The following GNL1 variants were observed in gnomAD, a reference collection of about 807,000 sequenced individuals.
The protein encoded by GNL1 is guanine nucleotide-binding protein-like 1.
GNL1 carries 21 observed loss-of-function variants against 75.2 expected under a neutral mutation model. That is an observed-to-expected ratio of 0.28 (90% confidence interval 0.20 to 0.40). The LOEUF (loss-of-function observed/expected upper bound fraction) is 0.40. Among genes scored for constraint, GNL1 ranks in the 10% least tolerant of loss-of-function variants. The pLI is 1.00. For synonymous variants in GNL1, 287 were observed against 303.4 expected (o/e 0.95, Z 0.56); for missense variants, 579 against 775.0 (o/e 0.75, Z 3.00).
At chr6:30,550,385 TG>T (rs941554791) in intron 8 of GNL1, among the ~76,000 whole-genome samples, 4 of 152,176 alleles carry the variant, frequency 2.6e-5, no homozygotes, top group Admixed American at 2.0e-4. Flanking sequence ...GACAAAAACC[TG>T]GAAGTCCTTC....
rs766966480 is a variant in GNL1, at chr6:30,555,623, G to A, written c.171C>T (p.Thr57=). 1.2e-6 allele frequency: 2 copies of A among 1,614,004 alleles called. No individual in the cohort carries two copies. Among genetic ancestry groups the A allele is most frequent in the Admixed American group, 3.3e-5 (2 of 60,032 alleles). ...GCTGGTTAAGCCTGCGGATATGATGGGTCACAGACTCCCCGTCCGAGGTGT... is the reference window on the plus strand; with the variant it reads ...GCTGGTTAAGCCTGCGGATATGATGAGTCACAGACTCCCCGTCCGAGGTGT... ...QTDTSDGESV[T]HHIRRLNQQP... The change falls in exon 2 of 12, where the codon ACC becomes ACT. Residue 57 remains threonine, a synonymous_variant. Transcript: ENST00000376621. This position sits in a 1 kb window ranked among gnomAD's most constrained non-coding sequence, Gnocchi z 4.3.
chr6:30,555,562 G>T lies in GNL1; in HGVS notation c.232C>A (p.Pro78Thr). ...GCCCCCTCCCACCCTCACCGATTTGGGTCGTAGCCTCGTGGACCCAGCCCC... is the reference window on the plus strand; with the variant it reads ...GCCCCCTCCCACCCTCACCGATTTGTGTCGTAGCCTCGTGGACCCAGCCCC... ...SQGLGPRGYDPNRYRLHFERD... is the reference protein window; with the variant it reads ...SQGLGPRGYDTNRYRLHFERD... Residue 78 changes from proline (P) to threonine (T), a missense_variant, in exon 2 of 12, where the codon CCA becomes ACA. Coordinates refer to ENST00000376621, the MANE Select transcript of GNL1 (RefSeq NM_005275.5). This position sits in a 1 kb window ranked among gnomAD's most constrained non-coding sequence, Gnocchi z 4.3. 6.2e-7 allele frequency: 1 copy of T among 1,613,300 alleles called. No individual in the cohort carries two copies. Among genetic ancestry groups the T allele is most frequent in the African/African-American group, 1.3e-5 (1 of 75,008 alleles).
At chr6:30,553,047 C>G in intron 7 of GNL1, 37 bp downstream of exon 7, 1 of 1,365,656 alleles carries the variant, frequency 7.3e-7, no homozygotes, top group South Asian at 1.2e-5. Flanking sequence ...TGGTCTCCCC[C>G]ATGTCCTCCT....
chr6:30,543,923 C>G lies in GNL1; in HGVS notation c.*2149G>C, dbSNP rs974976181. 6.6e-6 allele frequency: 1 copy of G among 152,174 alleles called. No homozygotes were observed. Among genetic ancestry groups the G allele is most frequent in the Admixed American group, 6.5e-5 (1 of 15,270 alleles). 9.4% of individuals were successfully genotyped at this position (152,174 alleles called of 1,614,324 possible). ...TCAAGAGACTAGCCAGCTATGGAAG[C>G]CACCAGAGCCCCAGACCTCCATGGT... On this transcript the variant is annotated 3_prime_UTR_variant, in exon 12 of 12. Coordinates refer to ENST00000376621, the MANE Select transcript of GNL1 (RefSeq NM_005275.5).
intron 8 of GNL1, among the ~76,000 whole-genome samples, chr6:30,551,143 T>C (rs914176327): frequency 6.6e-6 from 1 of 152,100 alleles, no homozygotes; most frequent in Non-Finnish European, 1.5e-5. Context: ...AATGGGTAAA[T>C]GAATGAGAGC....
chr6:30,554,828 T>C lies in GNL1; in HGVS notation c.464A>G (p.Tyr155Cys), dbSNP rs1359178447. ...GTAAGCCCCATGAATCTTCCCAAGATAGTCTTGGAAGCTCCGTTCCTCTTG... is the reference window on the plus strand; with the variant it reads ...GTAAGCCCCATGAATCTTCCCAAGACAGTCTTGGAAGCTCCGTTCCTCTTG... The part of the protein sequence containing the change: ...MSQEERSFQD[Y>C]LGKIHGAYSS... The change falls in exon 4 of 12, where the codon TAT (tyrosine) becomes TGT (cysteine). Residue 155 changes from tyrosine to cysteine, a missense_variant. Coordinates refer to ENST00000376621, the MANE Select transcript of GNL1 (RefSeq NM_005275.5). 1.9e-6 allele frequency: 3 copies of C among 1,611,952 alleles called. No individual in the cohort carries two copies. The highest frequency in any genetic ancestry group is 4.5e-5 in the East Asian group (2 of 44,876).
Position 30,545,785 on chromosome 6 carries a change from C to CA in GNL1, c.*286dup. ...TGTAGATAACGGGATTCCTAAGGTG[C>CA]AGAGTGGGAGAATGGGTAGAGGAAG... is the stretch of plus-strand genomic sequence containing the variant. On this transcript the variant is annotated 3_prime_UTR_variant, in exon 12 of 12. Coordinates refer to ENST00000376621, the MANE Select transcript of GNL1 (RefSeq NM_005275.5). 1 of 438,798 alleles carries CA rather than the reference C, an allele frequency of 2.3e-6. No individual in the cohort carries two copies. The highest frequency in any genetic ancestry group is 4.0e-6 in the Non-Finnish European group (1 of 249,334). The allele number at this position is 438,798 out of a possible 1,614,324, so 27.2% of individuals were successfully genotyped here.
chr6:30,546,102 A>G lies in GNL1; in HGVS notation c.1794T>C (p.Pro598=). 1 of 1,584,716 alleles carries G rather than the reference A, an allele frequency of 6.3e-7. No homozygotes were observed. ...APGSSLAGRN[P]YALLGEDEC is the part of the protein sequence containing the mutation. ...ACTCATCCTCACCCAGCAGGGCATA[A>G]GGGTTTCGGCCAGCCAGGCTGGACC... The change falls in exon 12 of 12, where the codon CCT becomes CCC. Residue 598 remains proline, a synonymous_variant. Coordinates refer to ENST00000376621, the MANE Select transcript of GNL1 (RefSeq NM_005275.5). This position sits in a 1 kb window ranked among gnomAD's most constrained non-coding sequence, Gnocchi z 5.1.
Position 30,547,113 on chromosome 6 carries a change from T to G in GNL1, c.1440A>C (p.Glu480Asp). The G allele has an allele frequency of 6.2e-7, 1 of 1,611,398 alleles. No individual in the cohort carries two copies. The highest frequency in any genetic ancestry group is 8.5e-7 in the Non-Finnish European group (1 of 1,179,536). Reference sequence around the variant, plus strand: ...CGAAGCCAGGCACATGGAACTCACCTTCACAGATGTCCCAGGCACACCAGG... The same window carrying G: ...CGAAGCCAGGCACATGGAACTCACCGTCACAGATGTCCCAGGCACACCAGG... ...EHPWCAWDIC[E>D]AWAEKRGYKT... Residue 480 changes from glutamate (E) to aspartate (D), a missense_variant and splice_region_variant, in exon 10 of 12, where the codon GAA becomes GAC. By Grantham distance (45) the Glu-to-Asp change is conservative (BLOSUM62 2). Coordinates refer to ENST00000376621, the MANE Select transcript of GNL1 (RefSeq NM_005275.5). The surrounding 1 kb of genome is among the most constrained non-coding windows in gnomAD (Gnocchi z 5.5).
Position 30,555,733 on chromosome 6 carries a change from G to C in GNL1, c.74-13C>G, listed in dbSNP as rs1230189474. On this transcript the variant is annotated splice_polypyrimidine_tract_variant and intron_variant, in intron 1 of 11. Coordinates refer to ENST00000376621, the MANE Select transcript of GNL1 (RefSeq NM_005275.5). This position sits in a 1 kb window ranked among gnomAD's most constrained non-coding sequence, Gnocchi z 4.3. ...CCATCTTGAAGCCCTGCGGGGAGGGGCCGGTGACGCCAGTGCTGGCCAGCT... is the reference window on the plus strand; with the variant it reads ...CCATCTTGAAGCCCTGCGGGGAGGGCCCGGTGACGCCAGTGCTGGCCAGCT... The C allele has an allele frequency of 6.2e-7, 1 of 1,612,400 alleles. No individual in the cohort carries two copies. The highest frequency in any genetic ancestry group is 1.7e-5 in the Admixed American group (1 of 59,944).
chr6:30,547,285 T>C lies in GNL1; in HGVS notation c.1279-11A>G. 1 of 1,585,534 alleles carries C rather than the reference T, an allele frequency of 6.3e-7. No homozygotes were observed. Among genetic ancestry groups the C allele is most frequent in the Non-Finnish European group, 8.6e-7 (1 of 1,165,562 alleles). On this transcript the variant is annotated splice_polypyrimidine_tract_variant and intron_variant, in intron 9 of 11. Transcript: ENST00000376621. The surrounding 1 kb of genome is among the most constrained non-coding windows in gnomAD (Gnocchi z 5.5). Reference sequence around the variant, plus strand: ...GATCCCTGCCAGAACCTGAGGGAAATGAGCACTCAGTACTTTCCTCAATGT... The same window carrying C: ...GATCCCTGCCAGAACCTGAGGGAAACGAGCACTCAGTACTTTCCTCAATGT...
At position 30,545,842 on chromosome 6, in the gene GNL1, C is replaced by T. The variant is rs1799413783; in HGVS notation, c.*230G>A. ...TCAGAGACTGAGAACCTACTAAACT[C>T]CTAAGAGAACTTTCCCTTGCAAAGA... is the stretch of plus-strand genomic sequence containing the variant. On this transcript the variant is annotated 3_prime_UTR_variant, in exon 12 of 12. Coordinates refer to ENST00000376621, the MANE Select transcript of GNL1 (RefSeq NM_005275.5). 1.9e-6 allele frequency: 1 copy of T among 537,786 alleles called. No homozygotes were observed. The highest frequency in any genetic ancestry group is 2.6e-5 in the South Asian group (1 of 38,682). 33.3% of individuals were successfully genotyped at this position (537,786 alleles called of 1,614,324 possible). A position where few individuals can be genotyped will look rare whatever the true frequency, so the allele number is the denominator to read the frequency against.
Position 30,545,789 on chromosome 6 carries a change from G to C in GNL1, c.*283C>G. On this transcript the variant is annotated 3_prime_UTR_variant, in exon 12 of 12. Coordinates refer to ENST00000376621, the MANE Select transcript of GNL1 (RefSeq NM_005275.5). Reference sequence around the variant, plus strand: ...GATAACGGGATTCCTAAGGTGCAGAGTGGGAGAATGGGTAGAGGAAGCAGG... The same window carrying C: ...GATAACGGGATTCCTAAGGTGCAGACTGGGAGAATGGGTAGAGGAAGCAGG... The C allele has an allele frequency of 2.2e-6, 1 of 452,834 alleles. No individual in the cohort carries two copies. Among genetic ancestry groups the C allele is most frequent in the Non-Finnish European group, 3.9e-6 (1 of 258,082 alleles). The allele number at this position is 452,834 out of a possible 1,614,324, so 28.1% of individuals were successfully genotyped here.
rs1427342682 is a variant in GNL1, at chr6:30,546,722, T to A, written c.1556A>T (p.His519Leu). 6.2e-7 allele frequency: 1 copy of A among 1,610,130 alleles called. No homozygotes were observed. The highest frequency in any genetic ancestry group is 1.3e-5 in the African/African-American group (1 of 74,808). The change falls in exon 11 of 12, where the codon CAT (histidine) becomes CTT (leucine). Residue 519 changes from histidine (H) to leucine (L), a missense_variant. His to Leu is a moderately conservative substitution (Grantham distance 99, BLOSUM62 -3). Transcript: ENST00000376621. The surrounding 1 kb of genome is among the most constrained non-coding windows in gnomAD (Gnocchi z 5.1). ...AVDGRLSLCF[H>L]PPGYSEQKGT... is the part of the protein sequence containing the mutation. ...TTTCTGTTCACTGTAGCCTGGGGGATGAAAACACAGGCTGAGGCGGCCGTC... is the reference window on the plus strand; with the variant it reads ...TTTCTGTTCACTGTAGCCTGGGGGAAGAAAACACAGGCTGAGGCGGCCGTC...
In GNL1 at chr6:30,543,551, T is replaced by C. The variant is rs1799288307; in HGVS notation, c.*2521A>G. On this transcript the variant is annotated 3_prime_UTR_variant, in exon 12 of 12. Coordinates refer to ENST00000376621, the MANE Select transcript of GNL1 (RefSeq NM_005275.5). ...AGTTCAATAGAAACACGTAAAATAA[T>C]GCTTTTATAGTTTACATACTGCTAT... 1 of 152,214 alleles carries C rather than the reference T, an allele frequency of 6.6e-6. No homozygotes were observed. The highest frequency in any genetic ancestry group is 1.9e-4 in the East Asian group (1 of 5,202). 9.4% of individuals were successfully genotyped at this position (152,214 alleles called of 1,614,324 possible).
rs746926257 is a variant in GNL1, at chr6:30,553,343, C to T, written c.808+7G>A. ...TCCCAAGTTGCCCTCTCTCATTGCCCACTCACCACTACTAGGGTCCTGTGG... is the reference window on the plus strand; with the variant it reads ...TCCCAAGTTGCCCTCTCTCATTGCCTACTCACCACTACTAGGGTCCTGTGG... On this transcript the variant is annotated splice_region_variant and intron_variant, in intron 6 of 11. Coordinates refer to ENST00000376621, the MANE Select transcript of GNL1 (RefSeq NM_005275.5). 6.2e-6 allele frequency: 10 copies of T among 1,608,008 alleles called. No homozygotes were observed. Among genetic ancestry groups the T allele is most frequent in the Non-Finnish European group, 8.5e-6 (10 of 1,176,398 alleles).
Position 30,546,295 on chromosome 6 carries a change from G to A in GNL1, c.1601C>T (p.Pro534Leu), listed in dbSNP as rs1412787922. 1.3e-6 allele frequency: 2 copies of A among 1,594,852 alleles called. No homozygotes were observed. The highest frequency in any genetic ancestry group is 2.3e-5 in the South Asian group (2 of 88,366). ...CAAAACCACCAGCTCCGTGGTCTCT[G>A]GATGGGACTCCCAGGTGCCTGGGGA... ...SEQKGTWESHPETTELVVLQG... is the reference protein window; with the variant it reads ...SEQKGTWESHLETTELVVLQG... The change falls in exon 12 of 12, where the codon CCA becomes CTA. Residue 534 changes from proline to leucine, a missense_variant. Coordinates refer to ENST00000376621, the MANE Select transcript of GNL1 (RefSeq NM_005275.5). The surrounding 1 kb of genome is among the most constrained non-coding windows in gnomAD (Gnocchi z 5.1).
At chr6:30,553,942 C>T (rs1799967396) in intron 5 of GNL1, among the ~76,000 whole-genome samples, 1 of 152,226 alleles carries the variant, frequency 6.6e-6, no homozygotes, top group Non-Finnish European at 1.5e-5. Flanking sequence ...CATGCAAGTA[C>T]GTGCACATGT....
chr6:30,552,293 T>C lies in GNL1; in HGVS notation c.1099+174A>G, dbSNP rs747126228. On this transcript the variant is annotated intron_variant, in intron 8 of 11. Coordinates refer to ENST00000376621, the MANE Select transcript of GNL1 (RefSeq NM_005275.5). The surrounding 1 kb of genome is among the most constrained non-coding windows in gnomAD (Gnocchi z 4.5). Reference sequence around the variant, plus strand: ...AAGAGGTGGAATTTAACTCAGGCTGTCATGATCCTTCCACTGCAGCAGACG... The same window carrying C: ...AAGAGGTGGAATTTAACTCAGGCTGCCATGATCCTTCCACTGCAGCAGACG... 1.3e-5 allele frequency: 7 copies of C among 551,378 alleles called. No individual in the cohort carries two copies. The highest frequency in any genetic ancestry group is 2.3e-5 in the Non-Finnish European group (7 of 308,196). 34.2% of individuals were successfully genotyped at this position (551,378 alleles called of 1,614,324 possible).
Sources: gnomAD v4.1 joint callset for allele counts (sites outside exome capture counted in the v4.1 genomes callset) on GRCh38, gnomAD v4.1.1 for gene constraint, Gnocchi (gnomAD v3.1) non-coding constraint, MANE v1.5 for transcripts, NCBI Gene and HGNC (gene_info 2026-07-23, HGNC 2026-07-21) for gene names.